The following UBE2U variants were observed in gnomAD, a reference collection of about 807,000 sequenced individuals.
UBE2U encodes ubiquitin conjugating enzyme E2 U, also known as ubiquitin-conjugating enzyme E2 U.
UBE2U carries 39 observed loss-of-function variants against 41.2 expected under a neutral mutation model. The ratio of observed to expected loss-of-function variants is 0.95; its 90% confidence interval spans 0.73 to 1.24. The LOEUF (loss-of-function observed/expected upper bound fraction) is 1.24. Ranked by LOEUF, UBE2U falls within the 50% of genes most tolerant of loss-of-function variation. The pLI is 0.00. For missense variants in UBE2U, 336 were observed against 363.1 expected, an observed-to-expected ratio of 0.93 and a Z score of 0.61; for synonymous variants, 107 against 117.8, an observed-to-expected ratio of 0.91 and a Z score of 0.60.
rs117584557 is a variant in UBE2U, at chr1:64,239,246, G to A, written c.596-2406G>A. 1.3e-4 allele frequency among the ~76,000 whole-genome samples: 19 copies of A among 151,938 alleles called. No individual in the cohort carries two copies. The East Asian group carries it at 3.5e-3, about 28-fold the overall frequency. On this transcript the variant is annotated intron_variant, in intron 7 of 9. Coordinates refer to ENST00000371077, the MANE Select transcript of UBE2U (RefSeq NM_001366232.2). ...GAGCATCTAGCTGGTTAAATAGTTC[G>A]ACTGTAAGCTAAGCTCAGAACAATA...
At chr1:64,264,869 G>A (rs1281789561) in intron 9 of UBE2U, among the ~76,000 whole-genome samples, 1 of 152,072 alleles carries the variant, frequency 6.6e-6, no homozygotes, top group Non-Finnish European at 1.5e-5. Context: ...AGAATCACTT[G>A]ATCCCAGGAG....
chr1:64,233,211 G>C (rs142750991), intron 7 of UBE2U, among the ~76,000 whole-genome samples: 5,144 of 152,060 alleles, frequency 0.034, 120 homozygotes, highest in Non-Finnish European at 0.055. Context: ...GTTTCAGTGT[G>C]TTAGCCAGGA....
chr1:64,239,134 A>AGAGGAAGAGGAAGAG (rs1557730394), intron 7 of UBE2U, among the ~76,000 whole-genome samples: 1 of 28,850 alleles, frequency 3.5e-5, no homozygotes, highest in African/African-American at 1.9e-4. Flanking sequence ...AAGAAGAAGA[A>AGAGGAAGAGGAAGAG]GAAGAAGAAG....
Position 64,267,089 on chromosome 1 carries a change from G to A in UBE2U, c.835G>A (p.Glu279Lys), listed in dbSNP as rs758699141. Residue 279 changes from glutamate (E) to lysine (K), a missense_variant, in exon 10 of 10, where the codon GAG (glutamate) becomes AAG (lysine). Physicochemically the swap from Glu to Lys is moderately conservative, Grantham distance 56 (BLOSUM62 1). Coordinates refer to ENST00000371077, the MANE Select transcript of UBE2U (RefSeq NM_001366232.2). Reference protein sequence around the residue: ...SITDIYETEEEGWKSDTSLYE... With the variant: ...SITDIYETEEKGWKSDTSLYE... ...CACAGACATTTATGAAACAGAAGAG[G>A]AGGGGTGGAAGAGTGACACTTCATT... 77 of 1,550,268 alleles carry A rather than the reference G, an allele frequency of 5.0e-5. No homozygotes were observed. The highest frequency in any genetic ancestry group is 2.5e-4 in the South Asian group (21 of 83,984).
Position 64,239,184 on chromosome 1 carries a change from GAAGAAGAAA to G in UBE2U, c.596-2467_596-2459del, listed in dbSNP as rs1452147530. Among the ~76,000 whole-genome samples the G allele has an allele frequency of 6.9e-5, 10 of 144,904 alleles. No homozygotes were observed. In the East Asian group the frequency reaches 1.7e-3, roughly 25 times the overall value. On this transcript the variant is annotated intron_variant, in intron 7 of 9. Transcript: ENST00000371077. ...AGAAGAAGAAGAAGAAGAAGAAGAA[GAAGAAGAAA>G]GCCCCAGACAAGGACAAGACTGGTG...
intron 7 of UBE2U, among the ~76,000 whole-genome samples, chr1:64,239,780 T>G (rs1264446176): frequency 6.6e-6 from 1 of 152,164 alleles, no homozygotes; most frequent in Non-Finnish European, 1.5e-5. Flanking sequence ...GGTGGACATT[T>G]GGGTTGGTTC....
chr1:64,204,800 A>G (rs891915377), intron 1 of UBE2U, among the ~76,000 whole-genome samples: 1 of 152,234 alleles, frequency 6.6e-6, no homozygotes, highest in Non-Finnish European at 1.5e-5. Flanking sequence ...AGTGCTTCCC[A>G]CAGTTGCTTC....
At chr1:64,238,731 A>T (rs1477267609) in intron 7 of UBE2U, among the ~76,000 whole-genome samples, 1 of 152,014 alleles carries the variant, frequency 6.6e-6, no homozygotes, top group Admixed American at 6.6e-5. Context: ...AAAAGGGGTA[A>T]GTTCATCATT....
intron 5 of UBE2U, among the ~76,000 whole-genome samples, chr1:64,218,906 G>A (rs1652222589): frequency 6.6e-6 from 1 of 152,076 alleles, no homozygotes; most frequent in Non-Finnish European, 1.5e-5. Context: ...AGTCAGCATC[G>A]AGTCTGTTTT....
chr1:64,257,458 G>A (rs910247481), intron 8 of UBE2U, among the ~76,000 whole-genome samples: 2 of 152,174 alleles, frequency 1.3e-5, no homozygotes, highest in Admixed American at 1.3e-4. Context: ...CATGTCCTTT[G>A]CAGGGTCATG....
chr1:64,260,105 C>T (rs184574432), intron 8 of UBE2U, among the ~76,000 whole-genome samples: 1 of 151,928 alleles, frequency 6.6e-6, no homozygotes, highest in African/African-American at 2.4e-5. Context: ...ATAAGCCATA[C>T]AATGTAAAGG....
At chr1:64,212,019 A>T (rs1651695398) in intron 4 of UBE2U, among the ~76,000 whole-genome samples, 1 of 152,208 alleles carries the variant, frequency 6.6e-6, no homozygotes, top group African/African-American at 2.4e-5. Flanking sequence ...AAATAAAATA[A>T]TACTTTCCTG....
intron 5 of UBE2U, among the ~76,000 whole-genome samples, chr1:64,217,827 G>A (rs1652131660): frequency 6.6e-6 from 1 of 152,120 alleles, no homozygotes; most frequent in Admixed American, 6.5e-5. Context: ...ATACTAATTT[G>A]TGTGATATAC....
intron 9 of UBE2U, among the ~76,000 whole-genome samples, chr1:64,261,193 A>T (rs1645175597): frequency 6.6e-6 from 1 of 152,118 alleles, no homozygotes; most frequent in Non-Finnish European, 1.5e-5. Context: ...GTCAGCTGGT[A>T]TAGAGGGGAA....
intron 6 of UBE2U, among the ~76,000 whole-genome samples, chr1:64,229,871 T>C (rs1313881855): frequency 6.6e-6 from 1 of 152,206 alleles, no homozygotes; most frequent in Non-Finnish European, 1.5e-5. Flanking sequence ...ATTTTGTTGA[T>C]TTGACCCAAA....
chr1:64,207,244 A>G (rs1651353092), intron 3 of UBE2U, among the ~76,000 whole-genome samples: 1 of 152,032 alleles, frequency 6.6e-6, no homozygotes, highest in South Asian at 2.1e-4. Flanking sequence ...TTCACCTCCC[A>G]GGTTCAATCG....
intron 6 of UBE2U, among the ~76,000 whole-genome samples, chr1:64,225,109 T>A (rs905701187): frequency 3.3e-5 from 5 of 152,158 alleles, no homozygotes; most frequent in African/African-American, 1.2e-4. Context: ...TTTCATAGAA[T>A]TACTATGAAG....
At chr1:64,224,109 G>A (rs1369016607) in intron 6 of UBE2U, among the ~76,000 whole-genome samples, 2 of 152,236 alleles carry the variant, frequency 1.3e-5, no homozygotes, top group East Asian at 3.9e-4. Flanking sequence ...CTGTATGCGA[G>A]TGGCTAAATC....
intron 8 of UBE2U, among the ~76,000 whole-genome samples, chr1:64,244,623 C>T (rs1047534101): frequency 1.3e-5 from 2 of 152,120 alleles, no homozygotes; most frequent in African/African-American, 4.8e-5. Context: ...TGGTGAAGTG[C>T]TTCACAAAGA....
Sources: gnomAD v4.1 joint callset for allele counts (sites outside exome capture counted in the v4.1 genomes callset) on GRCh38, gnomAD v4.1.1 for gene constraint, MANE v1.5 for transcripts, NCBI Gene and HGNC (gene_info 2026-07-23, HGNC 2026-07-21) for gene names.